RFX2: variants seen among roughly 807,000 people sequenced by gnomAD.
RFX2 encodes DNA-binding protein RFX2.
A neutral mutation model predicts 87.8 loss-of-function variants in RFX2; 20 were observed. That is an observed-to-expected ratio of 0.23 (90% CI 0.16 to 0.33). The LOEUF is 0.33. Ranked by LOEUF, RFX2 falls within the 10% of genes least tolerant of loss-of-function variation. The probability of loss-of-function intolerance (pLI) is 1.00; values close to 1 mark genes in which losing one functional copy is unlikely to be tolerated. For synonymous variants in RFX2, 397 were observed against 431.3 expected, an observed-to-expected ratio of 0.92 and a Z score of 0.98; for missense variants, 767 against 1,012.3, an observed-to-expected ratio of 0.76 and a Z score of 3.29.
chr19:6,070,199 T>G (rs1461708615), intron 1 of RFX2, among the ~76,000 whole-genome samples: 22 of 2,090 alleles, frequency 0.011, no homozygotes, highest in Non-Finnish European at 0.015. Flanking sequence ...GGATGGGATG[T>G]GGATGGGATG....
chr19:6,034,252 C>T (rs111259078), intron 5 of RFX2, among the ~76,000 whole-genome samples: 115 of 134,336 alleles, frequency 8.6e-4, no homozygotes, highest in African/African-American at 3.0e-3. Flanking sequence ...TTTTTTGAGA[C>T]GGAGTCTCAT....
rs1028928628 is a variant in RFX2, at chr19:6,027,542, T to C, written c.523-1305A>G. On this transcript the variant is annotated intron_variant, in intron 5 of 17. Coordinates refer to ENST00000303657, the MANE Select transcript of RFX2 (RefSeq NM_000635.4). The surrounding 1 kb of genome is among the most constrained non-coding windows in gnomAD (Gnocchi z 5.0). ...GAGTACTGCCCTGTGGCACCTTCCC[T>C]GTGGGACATCGCTCACCTATGGGTG... 2.5e-4 allele frequency among the ~76,000 whole-genome samples: 38 copies of C among 152,192 alleles called. No individual in the cohort carries two copies. Among genetic ancestry groups the C allele is most frequent in the Non-Finnish European group, 5.9e-5 (4 of 68,026 alleles).
chr19:6,019,201 G>A (rs1232589940), intron 6 of RFX2, among the ~76,000 whole-genome samples: 2 of 152,164 alleles, frequency 1.3e-5, no homozygotes, highest in Non-Finnish European at 2.9e-5. Context: ...CTTTGAATAA[G>A]GGGCAGTTAA....
chr19:6,109,582 T>G (rs2088273569), intron 1 of RFX2, among the ~76,000 whole-genome samples: 1 of 151,338 alleles, frequency 6.6e-6, no homozygotes, highest in African/African-American at 2.4e-5. Context: ...TCTAGGAATT[T>G]GGGGTAAAAA....
intron 9 of RFX2, among the ~76,000 whole-genome samples, chr19:6,008,851 A>AT (rs1247066600): frequency 6.6e-6 from 1 of 150,980 alleles, no homozygotes; most frequent in African/African-American, 2.4e-5. Flanking sequence ...CTAAGTTTGT[A>AT]TTTTTTTTGG....
chr19:6,028,204 T>TA (rs1159443945), intron 5 of RFX2, among the ~76,000 whole-genome samples: 5,331 of 144,682 alleles, frequency 0.037, 316 homozygotes, highest in African/African-American at 0.13. Context: ...CTTTCCAAAT[T>TA]AAAAAAAAAA....
rs2087070022 is a variant in RFX2, at chr19:6,039,353, G to T, written c.522+627C>A. Among the ~76,000 whole-genome samples the T allele has an allele frequency of 6.6e-6, 1 of 152,176 alleles. No homozygotes were observed. The highest frequency in any genetic ancestry group is 2.4e-5 in the African/African-American group (1 of 41,426). On this transcript the variant is annotated intron_variant, in intron 5 of 17. Transcript: ENST00000303657. This position sits in a 1 kb window ranked among gnomAD's most constrained non-coding sequence, Gnocchi z 5.2. ...AGAAATACCACGAGGGGGTTTTCAG[G>T]GCAATGCACTGTTCTGTGACCTGAT... is the stretch of plus-strand genomic sequence containing the variant.
intron 1 of RFX2, among the ~76,000 whole-genome samples, chr19:6,077,669 T>A (rs2144850539): frequency 6.6e-6 from 1 of 152,150 alleles, no homozygotes; most frequent in Non-Finnish European, 1.5e-5. Flanking sequence ...AGCCCAAATG[T>A]TTGTCAACTG....
intron 1 of RFX2, among the ~76,000 whole-genome samples, chr19:6,104,702 C>CGGCCAA (rs1255345294): frequency 1.3e-5 from 2 of 152,182 alleles, no homozygotes; most frequent in Non-Finnish European, 2.9e-5. Flanking sequence ...CCACCACACC[C>CGGCCAA]AATGCAGCTC....
At chr19:6,025,194 G>A (rs1018316185) in intron 6 of RFX2, among the ~76,000 whole-genome samples, 5 of 152,146 alleles carry the variant, frequency 3.3e-5, no homozygotes, top group Non-Finnish European at 7.4e-5. Context: ...GTCTGAGGGG[G>A]CCAGAGCTTT....
intron 1 of RFX2, among the ~76,000 whole-genome samples, chr19:6,082,210 T>G (rs2087794650): frequency 6.6e-6 from 1 of 151,002 alleles, no homozygotes; most frequent in Non-Finnish European, 1.5e-5. Context: ...AGGAGAATCA[T>G]TTGAACCAAG....
intron 12 of RFX2, among the ~76,000 whole-genome samples, chr19:6,006,219 GGTGCGATCATA>G (rs1401237565): frequency 6.6e-6 from 1 of 152,058 alleles, no homozygotes; most frequent in Admixed American, 6.5e-5. Context: ...GGAGTGCAGT[GGTGCGATCATA>G]GCTTACTGCA....
chr19:5,995,664 CAG>C (rs750504420), intron 16 of RFX2, 21 bp from the exon 17 acceptor site: 17 of 1,551,630 alleles, frequency 1.1e-5, no homozygotes, highest in Admixed American at 5.9e-5. Flanking sequence ...AACCTGGAGT[CAG>C]GGGCGCCTGC....
At chr19:6,046,605 CTTTTT>C (rs55854937) in intron 2 of RFX2, among the ~76,000 whole-genome samples, 40 of 90,578 alleles carry the variant, frequency 4.4e-4, no homozygotes, top group African/African-American at 1.4e-3. Context: ...GCCTTTTTGC[CTTTTT>C]TTTTTTTTTT....
At position 5,999,800 on chromosome 19, in the gene RFX2, C is replaced by T. The variant is rs2086466969; in HGVS notation, c.1859+2015G>A. Among the ~76,000 whole-genome samples, 1 of 151,828 alleles carries T rather than the reference C, an allele frequency of 6.6e-6. No individual in the cohort carries two copies. The highest frequency in any genetic ancestry group is 2.1e-4 in the South Asian group (1 of 4,798). On this transcript the variant is annotated intron_variant, in intron 15 of 17. Transcript: ENST00000303657. This position sits in a 1 kb window ranked among gnomAD's most constrained non-coding sequence, Gnocchi z 4.1. ...GAATGGGCCGTCTTATTTACAGAGG[C>T]TGGGGGTGAGGGATTTCTCTGCGGA...
In RFX2 at chr19:6,012,323, A is replaced by C. The variant is rs909666688; in HGVS notation, c.899+663T>G. ...CTCTCTTTACTTCCTAAGCTTTAAA[A>C]ATTAAAGGTCTGTGATTCCAACTAT... On this transcript the variant is annotated intron_variant, in intron 8 of 17. Transcript: ENST00000303657. This position sits in a 1 kb window ranked among gnomAD's most constrained non-coding sequence, Gnocchi z 4.6. 1.3e-5 allele frequency: 2 copies of C among 152,240 alleles called. No individual in the cohort carries two copies. The highest frequency in any genetic ancestry group is 2.4e-5 in the African/African-American group (1 of 41,446). 9.4% of individuals were successfully genotyped at this position (152,240 alleles called of 1,614,324 possible).
At position 6,083,938 on chromosome 19, in the gene RFX2, A is replaced by G. The variant is rs551794994; in HGVS notation, c.-9+26455T>C. Among the ~76,000 whole-genome samples the G allele has an allele frequency of 7.2e-5, 11 of 152,210 alleles. No individual in the cohort carries two copies. Among genetic ancestry groups the G allele is most frequent in the Admixed American group, 3.3e-4 (5 of 15,274 alleles). On this transcript the variant is annotated intron_variant, in intron 1 of 17. Transcript: ENST00000303657. This position sits in a 1 kb window ranked among gnomAD's most constrained non-coding sequence, Gnocchi z 4.6. ...TAAATTACTGTTTAGGTTGCTTTAC[A>G]TTCTCTTCCCAGCCCCAGATCTCCA...
In RFX2 at chr19:6,004,271, A is replaced by G. The variant is rs2086544705; in HGVS notation, c.1430T>C (p.Phe477Ser). The change falls in exon 13 of 18, where the codon TTT becomes TCT. Residue 477 changes from phenylalanine (F) to serine (S), a missense_variant. Phe to Ser is a radical substitution (Grantham distance 155, BLOSUM62 -2). Around this residue, in one of 2 missense-constraint regions of RFX2, gnomAD observed 621 missense variants for 873.0 expected, o/e 0.71. Coordinates refer to ENST00000303657, the MANE Select transcript of RFX2 (RefSeq NM_000635.4). The surrounding 1 kb of genome is among the most constrained non-coding windows in gnomAD (Gnocchi z 4.8). Reference sequence around the variant, plus strand: ...CAACCAGCCTTCCAAGCTCTTGGCAAAGTTACGGATGGCCTGTGTCAAGGT... The same window carrying G: ...CAACCAGCCTTCCAAGCTCTTGGCAGAGTTACGGATGGCCTGTGTCAAGGT... ...PSTLTQAIRN[F>S]AKSLEGWLTN... is the part of the protein sequence containing the mutation. 6.2e-7 allele frequency: 1 copy of G among 1,613,780 alleles called. No individual in the cohort carries two copies.
At position 6,083,689 on chromosome 19, in the gene RFX2, A is replaced by G. The variant is rs2087816911; in HGVS notation, c.-9+26704T>C. Among the ~76,000 whole-genome samples, 1 of 151,840 alleles carries G rather than the reference A, an allele frequency of 6.6e-6. No homozygotes were observed. On this transcript the variant is annotated intron_variant, in intron 1 of 17. Coordinates refer to ENST00000303657, the MANE Select transcript of RFX2 (RefSeq NM_000635.4). This position sits in a 1 kb window ranked among gnomAD's most constrained non-coding sequence, Gnocchi z 4.6. ...CAGAGCTCAAGTGATCCTCCTGCTC[A>G]GCTTCCCCAGAAGCTGAGACCACAG...
Sources: gnomAD v4.1 joint callset for allele counts (sites outside exome capture counted in the v4.1 genomes callset) on GRCh38, gnomAD v4.1.1 for gene constraint, gnomAD v4.1.1 regional missense constraint, Gnocchi (gnomAD v3.1) non-coding constraint, MANE v1.5 for transcripts, NCBI Gene and HGNC (gene_info 2026-07-23, HGNC 2026-07-21) for gene names.